Variants in ZBTB41 observed in about 807,000 individuals in gnomAD.
ZBTB41 encodes zinc finger and BTB domain containing 41, also known as zinc finger and BTB domain-containing protein 41.
Under a neutral mutation model 87.6 loss-of-function variants are expected in ZBTB41, and 42 were observed. The observed-to-expected ratio is 0.48, with a 90% confidence interval of 0.37 to 0.62. The LOEUF is 0.62. Among genes scored for constraint, ZBTB41 ranks in the 20% least tolerant of loss-of-function variants. The pLI, the probability that ZBTB41 is intolerant of heterozygous loss-of-function variation, is 0.00. For missense variants in ZBTB41, 799 were observed against 1,078.9 expected (o/e 0.74, Z 3.63); for synonymous variants, 364 against 364.0 (o/e 1.00, Z 0.00).
chr1:197,200,352 C>A lies in ZBTB41; in HGVS notation c.122G>T (p.Gly41Val). 2 of 1,614,148 alleles carry A rather than the reference C, an allele frequency of 1.2e-6. No individual in the cohort carries two copies. The highest frequency in any genetic ancestry group is 1.7e-6 in the Non-Finnish European group (2 of 1,180,024). ...GTGAAGAGCTTCAGGAGTTGGTCTTCCTGCAGAATGAGTATAGGTCACTTG... is the reference window on the plus strand; with the variant it reads ...GTGAAGAGCTTCAGGAGTTGGTCTTACTGCAGAATGAGTATAGGTCACTTG... The part of the protein sequence containing the change: ...CDQVTYTHSA[G>V]RPTPEALHCY... Residue 41 changes from glycine (G) to valine (V), a missense_variant, in exon 2 of 11, where the codon GGA becomes GTA. Coordinates refer to ENST00000367405, the MANE Select transcript of ZBTB41 (RefSeq NM_194314.3).
At chr1:197,175,431 A>T (rs369405690) in intron 8 of ZBTB41, among the ~76,000 whole-genome samples, 4 of 71,592 alleles carry the variant, frequency 5.6e-5, no homozygotes, top group Admixed American at 1.9e-4. Context: ...AGGAATTTTA[A>T]ATATATATAT....
rs921497148 is a variant in ZBTB41, at chr1:197,157,713, C to T, written c.*1646G>A. On this transcript the variant is annotated 3_prime_UTR_variant, in exon 11 of 11. Transcript: ENST00000367405. Reference sequence around the variant, plus strand: ...TTATATGAGCTACTTTGGTTAACTGCCTCAGTTTTCAATATTTCTTTTGTT... The same window carrying T: ...TTATATGAGCTACTTTGGTTAACTGTCTCAGTTTTCAATATTTCTTTTGTT... 2 of 152,266 alleles carry T rather than the reference C, an allele frequency of 1.3e-5. No individual in the cohort carries two copies. Among genetic ancestry groups the T allele is most frequent in the Admixed American group, 1.3e-4 (2 of 15,228 alleles). The allele number at this position is 152,266 out of a possible 1,614,324, so 9.4% of individuals were successfully genotyped here. A position where few individuals can be genotyped will look rare whatever the true frequency, so the allele number is the denominator to read the frequency against.
Position 197,157,826 on chromosome 1 carries a change from T to G in ZBTB41, c.*1533A>C, listed in dbSNP as rs886099377. 2.6e-5 allele frequency: 4 copies of G among 152,494 alleles called. No individual in the cohort carries two copies. Among genetic ancestry groups the G allele is most frequent in the African/African-American group, 9.6e-5 (4 of 41,552 alleles). The allele number at this position is 152,494 out of a possible 1,614,324, so 9.4% of individuals were successfully genotyped here. ...ACAGTTTCCGCCATTACTAATTGAT[T>G]AAACTTTATTCATTAAAACTTCACT... On this transcript the variant is annotated 3_prime_UTR_variant, in exon 11 of 11. Transcript: ENST00000367405.
At chr1:197,190,914 T>C in intron 3 of ZBTB41, 83 bp from the exon 4 acceptor site, 1 of 885,188 alleles carries the variant, frequency 1.1e-6, no homozygotes, top group Non-Finnish European at 1.7e-6. Flanking sequence ...TGACAGTAAT[T>C]ACCAGGATCA....
Position 197,156,436 on chromosome 1 carries a change from A to C in ZBTB41, c.*2923T>G, listed in dbSNP as rs1273993410. 1.3e-5 allele frequency: 2 copies of C among 152,254 alleles called. No homozygotes were observed. Among genetic ancestry groups the C allele is most frequent in the Admixed American group, 6.6e-5 (1 of 15,214 alleles). The allele number at this position is 152,254 out of a possible 1,614,324, so 9.4% of individuals were successfully genotyped here. On this transcript the variant is annotated 3_prime_UTR_variant, in exon 11 of 11. Coordinates refer to ENST00000367405, the MANE Select transcript of ZBTB41 (RefSeq NM_194314.3). ...ATCTGCTAAAAAATTAATTTAAAACAATAAATTATGCTCACAAAATAAAAA... is the reference window on the plus strand; with the variant it reads ...ATCTGCTAAAAAATTAATTTAAAACCATAAATTATGCTCACAAAATAAAAA...
At position 197,159,635 on chromosome 1, in the gene ZBTB41, A is replaced by G. The variant is rs1353801064; in HGVS notation, c.2454T>C (p.Pro818=). 1.2e-6 allele frequency: 2 copies of G among 1,614,012 alleles called. No individual in the cohort carries two copies. The highest frequency in any genetic ancestry group is 1.7e-5 in the Admixed American group (1 of 59,988). ...GACGCACTAGGTCACTCGGAGTGTC[A>G]GGCATCTGAACTGGAACCAGAGTTA... The part of the protein sequence containing the change: ...VPVTLVPVQM[P]DTPSDLVRHT... The change falls in exon 11 of 11, where the codon CCT becomes CCC. Residue 818 remains proline (P), a synonymous_variant. Transcript: ENST00000367405.
In ZBTB41 at chr1:197,154,362, T is replaced by G. The variant is rs1659014400; in HGVS notation, c.*4997A>C. ...CTGTGCTCTAAATATAATCCTTAAT[T>G]TCTCCTCTGAATATAATCCTTAATT... On this transcript the variant is annotated 3_prime_UTR_variant, in exon 11 of 11. Transcript: ENST00000367405. 1 of 152,168 alleles carries G rather than the reference T, an allele frequency of 6.6e-6. No homozygotes were observed. The highest frequency in any genetic ancestry group is 1.5e-5 in the Non-Finnish European group (1 of 67,966). The allele number at this position is 152,168 out of a possible 1,614,324, so 9.4% of individuals were successfully genotyped here.
At chr1:197,161,769 T>G (rs182980407) in intron 10 of ZBTB41, among the ~76,000 whole-genome samples, 7 of 152,076 alleles carry the variant, frequency 4.6e-5, no homozygotes, top group Admixed American at 4.6e-4. Flanking sequence ...AATGTACACT[T>G]CCAAAATGCA....
At chr1:197,162,051 G>GT (rs1659214781) in intron 10 of ZBTB41, among the ~76,000 whole-genome samples, 3 of 152,138 alleles carry the variant, frequency 2.0e-5, no homozygotes, top group Admixed American at 2.0e-4. Context: ...GTTCTGGTGT[G>GT]TAACAAATAC....
chr1:197,192,883 T>C (rs1660069679), intron 2 of ZBTB41, among the ~76,000 whole-genome samples: 1 of 152,076 alleles, frequency 6.6e-6, no homozygotes, highest in African/African-American at 2.4e-5. Flanking sequence ...TTCAATAATT[T>C]AGTAAATATA....
intron 9 of ZBTB41, among the ~76,000 whole-genome samples, chr1:197,174,403 G>T (rs1184025291): frequency 6.6e-6 from 1 of 152,042 alleles, no homozygotes; most frequent in Non-Finnish European, 1.5e-5. Context: ...TTGGTGGTTG[G>T]AGGCGTGTTA....
chr1:197,190,523 T>A (rs1008968683), intron 4 of ZBTB41, among the ~76,000 whole-genome samples: 1 of 152,206 alleles, frequency 6.6e-6, no homozygotes, highest in African/African-American at 2.4e-5. Flanking sequence ...CATAAATACA[T>A]GGTATGGTGA....
intron 10 of ZBTB41, among the ~76,000 whole-genome samples, chr1:197,167,198 ATGTT>A (rs1659367568): frequency 6.6e-6 from 1 of 152,028 alleles, no homozygotes; most frequent in Non-Finnish European, 1.5e-5. Flanking sequence ...ATGTGTTTGA[ATGTT>A]TGTTTATTTT....
At chr1:197,160,141 C>A in intron 10 of ZBTB41, 127 bp from the exon 11 acceptor site, 1 of 675,440 alleles carries the variant, frequency 1.5e-6, no homozygotes, top group Non-Finnish European at 2.5e-6. Flanking sequence ...ATACTGTATA[C>A]TATCACAAAA....
intron 5 of ZBTB41, among the ~76,000 whole-genome samples, chr1:197,186,841 G>A (rs1659898072): frequency 1.3e-5 from 2 of 151,882 alleles, no homozygotes; most frequent in Non-Finnish European, 2.9e-5. Flanking sequence ...TCCAGCCTGG[G>A]CAACAGAGCA....
At position 197,181,074 on chromosome 1, in the gene ZBTB41, A is replaced by T. The variant is rs910252883; in HGVS notation, c.1590T>A (p.Thr530=). Residue 530 remains threonine (T), a synonymous_variant, in exon 6 of 11, where the codon ACT becomes ACA. Coordinates refer to ENST00000367405, the MANE Select transcript of ZBTB41 (RefSeq NM_194314.3). ...ATTCTATATGACGTTTCAAATTTCC[A>T]GTGTCGTTAAACTGGCGACCACATA... is the stretch of plus-strand genomic sequence containing the variant. ...CDICGRQFND[T]GNLKRHIECT... The T allele has an allele frequency of 5.6e-6, 9 of 1,604,930 alleles. No homozygotes were observed. The Admixed American group carries it at 8.6e-5, about 15-fold the overall frequency.
At chr1:197,186,759 G>C (rs1659894394) in intron 5 of ZBTB41, among the ~76,000 whole-genome samples, 1 of 152,112 alleles carries the variant, frequency 6.6e-6, no homozygotes, top group Non-Finnish European at 1.5e-5. Context: ...AGCTACTCTG[G>C]AGGCTGAGGC....
At position 197,159,646 on chromosome 1, in the gene ZBTB41, C is replaced by G. The variant is rs140811569; in HGVS notation, c.2443G>C (p.Val815Leu). Residue 815 changes from valine to leucine, a missense_variant, in exon 11 of 11, where the codon GTT (valine) becomes CTT (leucine). Coordinates refer to ENST00000367405, the MANE Select transcript of ZBTB41 (RefSeq NM_194314.3). ...TCACTCGGAGTGTCAGGCATCTGAA[C>G]TGGAACCAGAGTTACTGGAACACAT... ...EVCVPVTLVP[V>L]QMPDTPSDLV... 6.2e-7 allele frequency: 1 copy of G among 1,613,974 alleles called. No homozygotes were observed. Among genetic ancestry groups the G allele is most frequent in the South Asian group, 1.1e-5 (1 of 91,082 alleles).
intron 2 of ZBTB41, among the ~76,000 whole-genome samples, chr1:197,194,147 T>C (rs1467266126): frequency 6.6e-6 from 1 of 152,006 alleles, no homozygotes; most frequent in Non-Finnish European, 1.5e-5. Flanking sequence ...GCCTCCTGAG[T>C]AGCAGGGATT....
Sources: gnomAD v4.1 joint callset for allele counts (sites outside exome capture counted in the v4.1 genomes callset) on GRCh38, gnomAD v4.1.1 for gene constraint, MANE v1.5 for transcripts, NCBI Gene and HGNC (gene_info 2026-07-23, HGNC 2026-07-21) for gene names.